The following TUBGCP4 variants were observed in gnomAD, a reference collection of about 807,000 sequenced individuals.
TUBGCP4 encodes the protein gamma-tubulin complex component 4.
A neutral mutation model predicts 91.6 loss-of-function variants in TUBGCP4; 54 were observed. The ratio of observed to expected loss-of-function variants is 0.59; its 90% CI spans 0.47 to 0.74. The LOEUF is 0.74. TUBGCP4 is among the 30% of genes least tolerant of loss of function. The pLI is 0.00. For missense variants in TUBGCP4, 593 were observed against 800.9 expected, an observed-to-expected ratio of 0.74 and a Z score of 3.13; for synonymous variants, 297 against 302.8, an observed-to-expected ratio of 0.98 and a Z score of 0.20.
chr15:43,385,606 C>A (rs2044344335), intron 7 of TUBGCP4, 185 bp from the exon 8 acceptor site: 2 of 614,752 alleles, frequency 3.3e-6, no homozygotes, highest in South Asian at 2.0e-5. Context: ...TTCCACCATG[C>A]CACTCTGCTG....
intron 6 of TUBGCP4, among the ~76,000 whole-genome samples, chr15:43,380,874 A>G (rs776463885): frequency 2.0e-5 from 3 of 152,070 alleles, no homozygotes; most frequent in Non-Finnish European, 4.4e-5. Context: ...CCATTTATCC[A>G]TTTTCCTTAT....
At chr15:43,390,174 A>G (rs1291405991) in intron 9 of TUBGCP4, among the ~76,000 whole-genome samples, 2 of 152,120 alleles carry the variant, frequency 1.3e-5, no homozygotes, top group East Asian at 3.8e-4. Context: ...CAGTCCTCAT[A>G]AAATGGGCTA....
intron 11 of TUBGCP4, among the ~76,000 whole-genome samples, chr15:43,395,933 T>C (rs545409110): frequency 4.5e-4 from 69 of 152,160 alleles, no homozygotes; most frequent in Non-Finnish European, 7.3e-4. Flanking sequence ...TTTTTTCTCA[T>C]TGGATTATAG....
chr15:43,386,693 C>T (rs1382333471), intron 9 of TUBGCP4, among the ~76,000 whole-genome samples: 2 of 142,528 alleles, frequency 1.4e-5, no homozygotes, highest in African/African-American at 2.6e-5. Context: ...CCATTGCACT[C>T]CAACCTGGGC....
chr15:43,379,649 A>C (rs1280981504), intron 5 of TUBGCP4, among the ~76,000 whole-genome samples: 7 of 151,880 alleles, frequency 4.6e-5, no homozygotes, highest in African/African-American at 1.7e-4. Flanking sequence ...TCAAAAAAAA[A>C]AAAAAAAAAA....
rs1566894338 is a variant in TUBGCP4, at chr15:43,386,344, C to CAT, written c.1014+14_1014+15insAT. On this transcript the variant is annotated intron_variant, in intron 9 of 17. Coordinates refer to ENST00000564079, the MANE Select transcript of TUBGCP4 (RefSeq NM_014444.5). The stretch of plus-strand genomic sequence containing the variant: ...ACTGTGGCTGAGGTTTGTGTTTCAT[C>CAT]GTATATATATATATATATATATATA... 1.8e-3 allele frequency: 434 copies of CAT among 245,608 alleles called. 93 individuals carry two copies. Among genetic ancestry groups the CAT allele is most frequent in the African/African-American group, 0.017 (133 of 7,936 alleles). 15.2% of individuals were successfully genotyped at this position (245,608 alleles called of 1,614,324 possible).
rs923665773 is a variant in TUBGCP4, at chr15:43,400,361, C to A, written c.1596+140C>A. 2.2e-5 allele frequency: 12 copies of A among 545,816 alleles called. No individual in the cohort carries two copies. In the African/African-American group the frequency reaches 2.3e-4, roughly 10 times the overall value. The allele number at this position is 545,816 out of a possible 1,614,324, so 33.8% of individuals were successfully genotyped here. A position where few individuals can be genotyped will look rare whatever the true frequency, so the allele number is the denominator to read the frequency against. On this transcript the variant is annotated intron_variant, in intron 14 of 17. Coordinates refer to ENST00000564079, the MANE Select transcript of TUBGCP4 (RefSeq NM_014444.5). ...AAAATTCAGGAGTTATATCACCAAGCATGTTTCTTAAAATAAAAAAAGCAT... is the reference window on the plus strand; with the variant it reads ...AAAATTCAGGAGTTATATCACCAAGAATGTTTCTTAAAATAAAAAAAGCAT...
At chr15:43,374,445 C>CA (rs899297627) in intron 1 of TUBGCP4, among the ~76,000 whole-genome samples, 13 of 151,186 alleles carry the variant, frequency 8.6e-5, no homozygotes, top group Non-Finnish European at 1.6e-4. Context: ...TCCATCTCTA[C>CA]AAAAAAAAAA....
At chr15:43,377,644 A>G (rs1319200266) in intron 4 of TUBGCP4, 1 of 515,852 alleles carries the variant, frequency 1.9e-6, no homozygotes, top group Admixed American at 4.0e-5. Context: ...AAGAAAAAAA[A>G]GAAACTGCCT....
intron 9 of TUBGCP4, chr15:43,394,271 A>T (rs2044540584): frequency 6.6e-6 from 1 of 151,780 alleles, no homozygotes; most frequent in Non-Finnish European, 1.5e-5. Flanking sequence ...TTTAGTAGAA[A>T]TGGGGTTTCA....
Position 43,373,680 on chromosome 15 carries a change from G to A in TUBGCP4, c.78+2248G>A, listed in dbSNP as rs535637214. On this transcript the variant is annotated intron_variant, in intron 1 of 17. Transcript: ENST00000564079. ...TTTTTTTTTTCCGAGATGGAGTCTC[G>A]CTCTGTCGCCCAGGCTGGAGTGCAG... Among the ~76,000 whole-genome samples, 591 of 138,588 alleles carry A rather than the reference G, an allele frequency of 4.3e-3. 2 individuals carry two copies. Among genetic ancestry groups the A allele is most frequent in the Non-Finnish European group, 7.0e-3 (461 of 66,056 alleles). 90.9% of individuals were successfully genotyped at this position (138,588 alleles called of 152,430 possible).
chr15:43,396,110 T>A (rs2044576022), intron 11 of TUBGCP4, among the ~76,000 whole-genome samples: 1 of 151,412 alleles, frequency 6.6e-6, no homozygotes, highest in Middle Eastern at 3.4e-3. Flanking sequence ...CGATTCATTC[T>A]CTCTCTCTCT....
At position 43,395,655 on chromosome 15, in the gene TUBGCP4, T is replaced by G; in HGVS notation, c.1138T>G (p.Leu380Val). 6.2e-7 allele frequency: 1 copy of G among 1,614,100 alleles called. No individual in the cohort carries two copies. Among genetic ancestry groups the G allele is most frequent in the Non-Finnish European group, 8.5e-7 (1 of 1,179,952 alleles). Reference sequence around the variant, plus strand: ...CTTCATTGACACAGCTCAACACATGTTGAAAACACCACCCACTGCAGTAAC... The same window carrying G: ...CTTCATTGACACAGCTCAACACATGGTGAAAACACCACCCACTGCAGTAAC... ...QAFIDTAQHM[L>V]KTPPTAVTEH... Residue 380 changes from leucine (L) to valine (V), a missense_variant, in exon 11 of 18, where the codon TTG becomes GTG. By Grantham distance (32) the Leu-to-Val change is conservative (BLOSUM62 1). Transcript: ENST00000564079.
chr15:43,386,363 ATATATATATATATATTTTT>A, intron 9 of TUBGCP4, 33 bp downstream of exon 9: 2 of 61,702 alleles, frequency 3.2e-5, no homozygotes, highest in Non-Finnish European at 6.6e-5. Context: ...ATATATATAT[ATATATATATATATATTTTT>A]TTTTTTTTTT....
At chr15:43,386,159 C>T in intron 8 of TUBGCP4, 47 bp from the exon 9 acceptor site, 1 of 1,576,784 alleles carries the variant, frequency 6.3e-7, no homozygotes, top group African/African-American at 1.4e-5. Context: ...CCCTAACTGT[C>T]CTGGGTATTC....
Position 43,407,574 on chromosome 15 carries a change from C to T in TUBGCP4, c.*2360C>T, listed in dbSNP as rs757226800. On this transcript the variant is annotated 3_prime_UTR_variant, in exon 18 of 18. Coordinates refer to ENST00000564079, the MANE Select transcript of TUBGCP4 (RefSeq NM_014444.5). ...TCAAATACCCCTAAAGCAATATCTG[C>T]AAGGAGCAAGGGAAAGTGAAGAAGG... The T allele has an allele frequency of 6.2e-7, 1 of 1,608,880 alleles. No homozygotes were observed. The highest frequency in any genetic ancestry group is 1.1e-5 in the South Asian group (1 of 90,672).
intron 4 of TUBGCP4, chr15:43,377,611 CA>C (rs60932318): frequency 0.14 from 37,157 of 256,772 alleles, no homozygotes; most frequent in South Asian, 0.19. Context: ...GACCCTGTCT[CA>C]AAAAAAAAAA....
At chr15:43,395,750 C>T in intron 11 of TUBGCP4, 62 bp downstream of exon 11, 1 of 1,407,168 alleles carries the variant, frequency 7.1e-7, no homozygotes, top group South Asian at 1.2e-5. Context: ...TTCTTGGCTG[C>T]TGCTGACCCT....
chr15:43,395,457 C>T (rs2044565283), intron 10 of TUBGCP4, 126 bp from the exon 11 acceptor site: 1 of 782,552 alleles, frequency 1.3e-6, no homozygotes, highest in Admixed American at 2.0e-5. Flanking sequence ...TGCCAAATGC[C>T]TGTATCTTTT....
Sources: allele counts gnomAD v4.1 joint callset (sites outside exome capture counted in the v4.1 genomes callset), GRCh38; gene constraint gnomAD v4.1.1; transcripts MANE v1.5; gene names NCBI Gene and HGNC (gene_info 2026-07-23, HGNC 2026-07-21).